Variants in LPCAT1 observed in about 807,000 individuals in gnomAD.
LPCAT1 encodes the protein 1-acylglycerol-3-phosphate O-acyltransferase.
In LPCAT1, 23 loss-of-function variants were observed where a neutral mutation model predicts 60.9. The observed-to-expected ratio is 0.38, with a 90% CI of 0.27 to 0.53. LPCAT1 has a LOEUF of 0.53. LPCAT1 is among the 20% of genes least tolerant of loss of function. The pLI is 0.82. For missense variants in LPCAT1, 622 were observed against 723.6 expected (o/e 0.86, Z 1.61); for synonymous variants, 340 against 301.1 (o/e 1.13, Z -1.34).
At position 1,477,429 on chromosome 5, in the gene LPCAT1, T is replaced by C; in HGVS notation, c.874A>G (p.Ser292Gly). 6.2e-7 allele frequency: 1 copy of C among 1,614,070 alleles called. No individual in the cohort carries two copies. Among genetic ancestry groups the C allele is most frequent in the Admixed American group, 1.7e-5 (1 of 60,016 alleles). Residue 292 changes from serine to glycine, a missense_variant, in exon 9 of 14, where the codon AGC becomes GGC. By Grantham distance (56) the Ser-to-Gly change is moderately conservative. Coordinates refer to ENST00000283415, the MANE Select transcript of LPCAT1 (RefSeq NM_024830.5). The surrounding 1 kb of genome is among the most constrained non-coding windows in gnomAD (Gnocchi z 6.0). Reference protein sequence around the residue: ...EEKRNPALYASNVRRVMAEAL... With the variant: ...EEKRNPALYAGNVRRVMAEAL... The stretch of plus-strand genomic sequence containing the variant: ...TCGGCCATGACTCGCCGCACGTTGC[T>C]GGCATACAGCGCGGGGTTCCTCTTC...
intron 4 of LPCAT1, among the ~76,000 whole-genome samples, chr5:1,489,133 G>A (rs75049635): frequency 0.055 from 8,323 of 152,288 alleles, 244 homozygotes; most frequent in South Asian, 0.089. Context: ...GGTGGGGGAG[G>A]AGACTGCCTG....
chr5:1,470,568 C>T (rs1310089701), intron 12 of LPCAT1, among the ~76,000 whole-genome samples: 1 of 152,234 alleles, frequency 6.6e-6, no homozygotes, highest in African/African-American at 2.4e-5. Context: ...ACCAGCCCCA[C>T]CCAGGTGCCC....
chr5:1,484,832 C>T (rs1204271289), intron 5 of LPCAT1, among the ~76,000 whole-genome samples: 1 of 152,248 alleles, frequency 6.6e-6, no homozygotes, highest in Non-Finnish European at 1.5e-5. Context: ...GTGTCCAGGG[C>T]TGGGTTGCCC....
intron 11 of LPCAT1, among the ~76,000 whole-genome samples, chr5:1,472,626 A>T (rs1734729701): frequency 1.3e-5 from 2 of 152,156 alleles, no homozygotes; most frequent in Non-Finnish European, 2.9e-5. Context: ...TGCCTGTGAA[A>T]CCAGGAATGC....
chr5:1,473,191 A>G (rs1486332123), intron 11 of LPCAT1, among the ~76,000 whole-genome samples: 9 of 152,176 alleles, frequency 5.9e-5, no homozygotes, highest in Non-Finnish European at 1.0e-4. Context: ...TGCAAAACAT[A>G]TATGGTGCTG....
At chr5:1,517,628 A>G (rs945786250) in intron 1 of LPCAT1, among the ~76,000 whole-genome samples, 7 of 152,094 alleles carry the variant, frequency 4.6e-5, no homozygotes, top group Admixed American at 1.3e-4. Context: ...CCACTTTTTC[A>G]GGCACAAAAT....
intron 4 of LPCAT1, among the ~76,000 whole-genome samples, chr5:1,488,932 C>T (rs1235322211): frequency 6.6e-6 from 1 of 152,234 alleles, no homozygotes; most frequent in Non-Finnish European, 1.5e-5. Flanking sequence ...AGAGCCGAGC[C>T]CCAGTCAGGC....
rs762699857 is a variant in LPCAT1 at position 1,481,464 on chromosome 5, C to A, written c.727-488G>T. On this transcript the variant is annotated intron_variant, in intron 6 of 13. Transcript: ENST00000283415. This position sits in a 1 kb window ranked among gnomAD's most constrained non-coding sequence, Gnocchi z 7.8. ...GTGCATGTGCAGGGCCCCCCCACCC[C>A]GGGTGCTCTGAAGTCCCATCTTCAG... Among the ~76,000 whole-genome samples the A allele has an allele frequency of 6.6e-6, 1 of 152,236 alleles. No individual in the cohort carries two copies. The highest frequency in any genetic ancestry group is 1.5e-5 in the Non-Finnish European group (1 of 68,042).
At chr5:1,491,025 T>C (rs1215633877) in intron 3 of LPCAT1, among the ~76,000 whole-genome samples, 1 of 152,130 alleles carries the variant, frequency 6.6e-6, no homozygotes, top group Non-Finnish European at 1.5e-5. Flanking sequence ...ATGACTTTTA[T>C]TCTTTCTTGG....
In LPCAT1 at chr5:1,466,712, A is replaced by G. The variant is rs772264239; in HGVS notation, c.1420+37T>C. 8.2e-6 allele frequency: 13 copies of G among 1,585,224 alleles called. 1 individual carries two copies. Among genetic ancestry groups the G allele is most frequent in the Non-Finnish European group, 1.1e-5 (13 of 1,160,844 alleles). On this transcript the variant is annotated intron_variant, in intron 13 of 13. Coordinates refer to ENST00000283415, the MANE Select transcript of LPCAT1 (RefSeq NM_024830.5). The stretch of plus-strand genomic sequence containing the variant: ...CCCACACTCTGTCCAGCCCCCGCCC[A>G]AGGGTCGCGAGGACGACCCCACTCC...
At chr5:1,514,629 G>A (rs889150112) in intron 1 of LPCAT1, among the ~76,000 whole-genome samples, 1 of 152,096 alleles carries the variant, frequency 6.6e-6, no homozygotes, top group Non-Finnish European at 1.5e-5. Context: ...CGCCAGGCAC[G>A]CCGCCAGGCC....
rs753062520 is a variant in LPCAT1 at position 1,471,564 on chromosome 5, C to T, written c.1180-640G>A. Among the ~76,000 whole-genome samples the T allele has an allele frequency of 1.6e-4, 25 of 152,272 alleles. 1 individual carries two copies. The Middle Eastern group carries it at 0.017, about 104-fold the overall frequency. The stretch of plus-strand genomic sequence containing the variant: ...CAGGAAAGAACCTCCCAGGTCAGGG[C>T]GGGAGGAGGTGAGGAGCACCCTGGA... On this transcript the variant is annotated intron_variant, in intron 11 of 13. Transcript: ENST00000283415.
intron 3 of LPCAT1, 97 bp from the exon 4 acceptor site, chr5:1,489,955 C>T (rs562493373): frequency 9.2e-6 from 8 of 865,912 alleles, no homozygotes; most frequent in East Asian, 7.3e-5. Context: ...CCCAGTGGGG[C>T]GGGAGACTCC....
rs1043463696 is a variant in LPCAT1, at chr5:1,479,735, C to A, written c.762-60G>T. On this transcript the variant is annotated intron_variant, in intron 7 of 13. Coordinates refer to ENST00000283415, the MANE Select transcript of LPCAT1 (RefSeq NM_024830.5). ...ACAACTCGGGTTAACAAGTAAATTA[C>A]TCCCAATTCTGGGGTGAAACCTCCA... 1.6e-5 allele frequency: 21 copies of A among 1,316,234 alleles called. 1 individual carries two copies. The African/African-American group carries it at 2.8e-4, about 17-fold the overall frequency. The allele number at this position is 1,316,234 out of a possible 1,614,324, so 81.5% of individuals were successfully genotyped here.
Position 1,479,613 on chromosome 5 carries a change from A to G in LPCAT1, c.816+8T>C, listed in dbSNP as rs1735052658. The G allele has an allele frequency of 6.2e-7, 1 of 1,602,308 alleles. No homozygotes were observed. The highest frequency in any genetic ancestry group is 2.2e-5 in the East Asian group (1 of 44,832). On this transcript the variant is annotated splice_region_variant and intron_variant, in intron 8 of 13. Transcript: ENST00000283415. ...AAGAGCGCTGTGTAACTCTGTATCC[A>G]TACGAACCTCGATTTCCACTTGGTT...
chr5:1,467,068 G>T, intron 12 of LPCAT1, 178 bp from the exon 13 acceptor site: 1 of 548,994 alleles, frequency 1.8e-6, no homozygotes, highest in Non-Finnish European at 2.8e-6. Flanking sequence ...AGGGCCCTGT[G>T]CCTTGGATCT....
At chr5:1,498,776 T>C (rs551967119) in intron 2 of LPCAT1, among the ~76,000 whole-genome samples, 1 of 152,146 alleles carries the variant, frequency 6.6e-6, no homozygotes, top group South Asian at 2.1e-4. Context: ...CACACACAGG[T>C]ACACAGCACA....
Position 1,498,713 on chromosome 5 carries a change from TAC to T in LPCAT1, c.278+2746_278+2747del, listed in dbSNP as rs373198971. ...TACACGTACATGTATGTGCACACGATACAGACATCCATCCACACATATATACA... is the reference window on the plus strand; with the variant it reads ...TACACGTACATGTATGTGCACACGATAGACATCCATCCACACATATATACA... On this transcript the variant is annotated intron_variant, in intron 2 of 13. Coordinates refer to ENST00000283415, the MANE Select transcript of LPCAT1 (RefSeq NM_024830.5). Among the ~76,000 whole-genome samples the T allele has an allele frequency of 7.2e-4, 109 of 152,118 alleles. 1 individual carries two copies. In the East Asian group the frequency reaches 0.016, roughly 23 times the overall value.
intron 1 of LPCAT1, among the ~76,000 whole-genome samples, chr5:1,516,297 C>G (rs1736504106): frequency 6.6e-6 from 1 of 152,220 alleles, no homozygotes; most frequent in Non-Finnish European, 1.5e-5. Flanking sequence ...TTGATGGATG[C>G]ATGGGACCCA....
Sources: allele counts gnomAD v4.1 joint callset (sites outside exome capture counted in the v4.1 genomes callset), GRCh38; gene constraint gnomAD v4.1.1; non-coding constraint Gnocchi (gnomAD v3.1); transcripts MANE v1.5; gene names NCBI Gene and HGNC (gene_info 2026-07-23, HGNC 2026-07-21).